Variants in SCNN1B observed in about 807,000 individuals in gnomAD.
SCNN1B encodes sodium channel epithelial 1 subunit beta.
A neutral mutation model predicts 65.3 loss-of-function variants in SCNN1B; 46 were observed. The ratio of observed to expected loss-of-function variants is 0.70; its 90% CI spans 0.56 to 0.90. The LOEUF is 0.90. SCNN1B is among the 40% of genes least tolerant of loss of function. SCNN1B has a pLI of 0.00. For missense variants in SCNN1B, 751 were observed against 830.5 expected, an observed-to-expected ratio of 0.90 and a Z score of 1.18; for synonymous variants, 349 against 330.6, an observed-to-expected ratio of 1.06 and a Z score of -0.60.
intron 1 of SCNN1B, among the ~76,000 whole-genome samples, chr16:23,340,574 TA>T (rs1386283428): frequency 2.6e-5 from 4 of 152,192 alleles, no homozygotes; most frequent in Admixed American, 2.0e-4. Flanking sequence ...ATCTTTCTTT[TA>T]AATAGAGACA....
At chr16:23,305,532 T>TA (rs1331526392) in intron 1 of SCNN1B, among the ~76,000 whole-genome samples, 5 of 1,840 alleles carry the variant, frequency 2.7e-3, no homozygotes, top group Non-Finnish European at 3.1e-3. Flanking sequence ...CAAATATATA[T>TA]ATTATATATA....
chr16:23,289,465 C>G (rs552909510), intron 2 of SCNN1B, among the ~76,000 whole-genome samples: 1 of 151,734 alleles, frequency 6.6e-6, no homozygotes, highest in Non-Finnish European at 1.5e-5. Context: ...GCTGGAGGAT[C>G]GATTAAGCCC....
chr16:23,285,451 C>T (rs950531143), intron 2 of SCNN1B, among the ~76,000 whole-genome samples: 6 of 152,016 alleles, frequency 3.9e-5, no homozygotes, highest in African/African-American at 1.4e-4. Context: ...AGATTACAGG[C>T]ATGAACTAGT....
At chr16:23,379,243 C>T (rs542995809) in intron 11 of SCNN1B, among the ~76,000 whole-genome samples, 8 of 150,412 alleles carry the variant, frequency 5.3e-5, no homozygotes, top group South Asian at 2.1e-4. Context: ...AGCCATCCTC[C>T]GTTTATTCAT....
At chr16:23,310,584 G>A (rs1164817592) in intron 1 of SCNN1B, among the ~76,000 whole-genome samples, 1 of 152,212 alleles carries the variant, frequency 6.6e-6, no homozygotes, top group Non-Finnish European at 1.5e-5. Context: ...TGCTGAGGCA[G>A]GAAGATGGCT....
chr16:23,359,314 G>A (rs1315245520), intron 4 of SCNN1B: 2 of 152,230 alleles, frequency 1.3e-5, no homozygotes, highest in Admixed American at 6.6e-5. Context: ...CTAGCAGTCT[G>A]GGCCAGGCCC....
Position 23,317,402 on chromosome 16 carries a change from C to T in SCNN1B, c.-9+14965C>T, listed in dbSNP as rs188817541. Among the ~76,000 whole-genome samples, 40 of 152,302 alleles carry T rather than the reference C, an allele frequency of 2.6e-4. 1 individual carries two copies. In the East Asian group the frequency reaches 3.5e-3, roughly 13 times the overall value. ...ATTGCAAGAAGTAGGTGTTGCCCAG[C>T]GTGAGAACGGGCACTGGAGAGCAGT... is the stretch of plus-strand genomic sequence containing the variant. On this transcript the variant is annotated intron_variant, in intron 1 of 12. Coordinates refer to ENST00000343070, the MANE Select transcript of SCNN1B (RefSeq NM_000336.3).
chr16:23,374,916 C>T (rs934136244), intron 7 of SCNN1B, among the ~76,000 whole-genome samples: 2 of 152,080 alleles, frequency 1.3e-5, no homozygotes, highest in East Asian at 1.9e-4. Flanking sequence ...TGCCTCCATC[C>T]GTGCAGCGCT....
Position 23,348,676 on chromosome 16 carries a change from T to C in SCNN1B, c.77T>C (p.Leu26Pro). Residue 26 changes from leucine (L) to proline (P), a missense_variant, in exon 2 of 13, where the codon CTG (leucine) becomes CCG (proline). By Grantham distance (98) the Leu-to-Pro change is moderately conservative. Coordinates refer to ENST00000343070, the MANE Select transcript of SCNN1B (RefSeq NM_000336.3). This position sits in a 1 kb window ranked among gnomAD's most constrained non-coding sequence, Gnocchi z 4.5. ...KGPGYTYKEL[L>P]VWYCDNTNTH... ...CCCGGCTACACGTACAAGGAGCTGC[T>C]GGTGTGGTACTGCGACAACACCAAC... 6.2e-7 allele frequency: 1 copy of C among 1,613,966 alleles called. No individual in the cohort carries two copies. Among genetic ancestry groups the C allele is most frequent in the East Asian group, 2.2e-5 (1 of 44,882 alleles).
intron 5 of SCNN1B, among the ~76,000 whole-genome samples, chr16:23,370,537 T>C (rs1467193909): frequency 6.6e-6 from 1 of 152,124 alleles, no homozygotes; most frequent in Non-Finnish European, 1.5e-5. Flanking sequence ...GGAGACTGGG[T>C]CCAGTCCCTT....
chr16:23,321,746 G>A (rs1961592461), intron 1 of SCNN1B, among the ~76,000 whole-genome samples: 1 of 152,192 alleles, frequency 6.6e-6, no homozygotes, highest in Non-Finnish European at 1.5e-5. Flanking sequence ...ATATTGGACA[G>A]ACGCAGTGCC....
intron 5 of SCNN1B, among the ~76,000 whole-genome samples, chr16:23,369,899 T>C (rs1205460740): frequency 6.6e-6 from 1 of 152,202 alleles, no homozygotes; most frequent in Non-Finnish European, 1.5e-5. Context: ...ACCTCCATCA[T>C]GCAGCCCTTG....
chr16:23,293,292 G>A (rs1457583865), intron 2 of SCNN1B, among the ~76,000 whole-genome samples: 2 of 152,000 alleles, frequency 1.3e-5, no homozygotes, highest in South Asian at 2.1e-4. Flanking sequence ...ATGGACAAAC[G>A]AAATGTGTGG....
chr16:23,353,098 C>A (rs1392942707), intron 3 of SCNN1B, 24 bp downstream of exon 3: 6 of 1,613,644 alleles, frequency 3.7e-6, no homozygotes, highest in Non-Finnish European at 5.1e-6. Context: ...GGGCACATAT[C>A]AAGCAATGGG....
chr16:23,348,678 G>T lies in SCNN1B; in HGVS notation c.79G>T (p.Val27Leu). The change falls in exon 2 of 13, where the codon GTG becomes TTG. Residue 27 changes from valine to leucine, a missense_variant. By Grantham distance (32) the Val-to-Leu change is conservative. Transcript: ENST00000343070. The surrounding 1 kb of genome is among the most constrained non-coding windows in gnomAD (Gnocchi z 4.5). ...GPGYTYKELL[V>L]WYCDNTNTHG... is the part of the protein sequence containing the mutation. ...CGGCTACACGTACAAGGAGCTGCTG[G>T]TGTGGTACTGCGACAACACCAACAC... 6.2e-7 allele frequency: 1 copy of T among 1,613,988 alleles called. No individual in the cohort carries two copies. The highest frequency in any genetic ancestry group is 8.5e-7 in the Non-Finnish European group (1 of 1,180,024).
intron 6 of SCNN1B, 45 bp downstream of exon 6, chr16:23,371,507 G>T (rs548483464): frequency 2.6e-5 from 42 of 1,595,654 alleles, no homozygotes; most frequent in Non-Finnish European, 2.9e-5. Flanking sequence ...CTGAGGGTGG[G>T]AGCCCACCTG....
chr16:23,337,412 C>T (rs992493110), intron 1 of SCNN1B, among the ~76,000 whole-genome samples: 4 of 135,370 alleles, frequency 3.0e-5, no homozygotes, highest in East Asian at 4.3e-4. Context: ...TCACTCTTGT[C>T]GTCCAGGCTG....
intron 1 of SCNN1B, among the ~76,000 whole-genome samples, chr16:23,340,035 G>T (rs1219393443): frequency 6.6e-6 from 1 of 151,746 alleles, no homozygotes; most frequent in East Asian, 1.9e-4. Flanking sequence ...GTTTTGATCT[G>T]CATTTCTCCA....
chr16:23,345,662 C>A (rs1392760654), intron 1 of SCNN1B, among the ~76,000 whole-genome samples: 1 of 152,200 alleles, frequency 6.6e-6, no homozygotes, highest in East Asian at 1.9e-4. Flanking sequence ...CACTTTGAGT[C>A]ACATGCACAT....
Sources: allele counts gnomAD v4.1 joint callset (sites outside exome capture counted in the v4.1 genomes callset), GRCh38; gene constraint gnomAD v4.1.1; non-coding constraint Gnocchi (gnomAD v3.1); transcripts MANE v1.5; gene names NCBI Gene and HGNC (gene_info 2026-07-23, HGNC 2026-07-21).